Variants in CLIC5 observed in about 807,000 individuals in gnomAD.
The protein encoded by CLIC5 is chloride intracellular channel protein 5.
A neutral mutation model predicts 24.7 loss-of-function variants in CLIC5; 20 were observed. That is an observed-to-expected ratio of 0.81 (90% CI 0.57 to 1.18). The LOEUF is 1.18. Among genes scored for constraint, CLIC5 ranks in the 50% most tolerant of loss-of-function variants. CLIC5 has a pLI of 0.00. For missense variants in CLIC5, 341 were observed against 326.1 expected, an observed-to-expected ratio of 1.05 and a Z score of -0.35; for synonymous variants, 159 against 135.6, an observed-to-expected ratio of 1.17 and a Z score of -1.20.
intron 1 of CLIC5, among the ~76,000 whole-genome samples, chr6:45,989,400 G>A (rs1366757216): frequency 6.6e-6 from 1 of 152,144 alleles, no homozygotes; most frequent in Non-Finnish European, 1.5e-5. Flanking sequence ...GGAAAAGTCA[G>A]AATTGCTTTG....
chr6:45,914,590 G>T, intron 4 of CLIC5, 181 bp from the exon 5 acceptor site: 2 of 1,178,464 alleles, frequency 1.7e-6, no homozygotes, highest in Non-Finnish European at 1.1e-6. Flanking sequence ...TACTAAATAG[G>T]CTGAAAAGGC....
At chr6:46,122,612 A>T in the CLIC5 span, among the ~76,000 whole-genome samples, 1 of 152,210 alleles carries the variant, frequency 6.6e-6, no homozygotes. Flanking sequence ...GAGACACAAA[A>T]AACCCTTCAA....
chr6:46,096,519 G>C, the CLIC5 span, among the ~76,000 whole-genome samples: 9 of 152,092 alleles, frequency 5.9e-5, no homozygotes, highest in African/African-American at 2.2e-4. Flanking sequence ...TCTTCCAAAG[G>C]GCTTGCTCAT....
intron 6 of CLIC5, among the ~76,000 whole-genome samples, chr6:45,886,196 T>A (rs9463144): frequency 0.012 from 1,893 of 152,282 alleles, 19 homozygotes; most frequent in African/African-American, 0.031. Flanking sequence ...TGGTAGAAGA[T>A]ACCACGTGGT....
rs191394596 is a variant in CLIC5 at position 46,009,329 on chromosome 6, G to T, written c.63+6151C>A. On this transcript the variant is annotated intron_variant, in intron 1 of 5. Transcript: ENST00000339561. ...AAAGAATTTCACATCTCAGAACTTA[G>T]ATACTTCTTTCTTGAAAGAAAAGAC... 2.2e-4 allele frequency among the ~76,000 whole-genome samples: 33 copies of T among 152,220 alleles called. No homozygotes were observed. The East Asian group carries it at 6.0e-3, about 28-fold the overall frequency.
chr6:45,960,100 G>A (rs867026723), intron 1 of CLIC5, among the ~76,000 whole-genome samples: 4 of 152,038 alleles, frequency 2.6e-5, no homozygotes, highest in Middle Eastern at 3.2e-3. Context: ...GCCTCTTAGC[G>A]ACCCCAGAAG....
intron 6 of CLIC5, chr6:45,892,009 T>C (rs918699572): frequency 1.3e-5 from 2 of 152,244 alleles, no homozygotes; most frequent in Non-Finnish European, 2.9e-5. Context: ...GGGTTTCCCA[T>C]ACTGTGTGCT....
At chr6:45,903,569 C>T (rs183605201) in intron 5 of CLIC5, among the ~76,000 whole-genome samples, 4 of 152,192 alleles carry the variant, frequency 2.6e-5, no homozygotes, top group Non-Finnish European at 5.9e-5. Flanking sequence ...TTTTGAATAA[C>T]AAAAATGGTG....
chr6:45,966,786 T>C (rs971820652), intron 1 of CLIC5, among the ~76,000 whole-genome samples: 1 of 152,214 alleles, frequency 6.6e-6, no homozygotes, highest in African/African-American at 2.4e-5. Flanking sequence ...GTGCACCATT[T>C]TGAGTTGTTC....
intron 4 of CLIC5, among the ~76,000 whole-genome samples, chr6:45,933,716 G>C (rs888446655): frequency 1.3e-5 from 2 of 152,226 alleles, no homozygotes; most frequent in Non-Finnish European, 2.9e-5. Flanking sequence ...AAATAGATAA[G>C]CCCAGACAGG....
chr6:46,079,964 C>T, exon 1 of CLIC5: 2 of 1,551,674 alleles, frequency 1.3e-6, no homozygotes, highest in South Asian at 1.2e-5. Flanking sequence ...CTGGATGAGC[C>T]TCCTGGAGTT....
chr6:45,944,923 A>G (rs1162602310), intron 3 of CLIC5, among the ~76,000 whole-genome samples: 2 of 152,082 alleles, frequency 1.3e-5, no homozygotes, highest in Non-Finnish European at 2.9e-5. Context: ...CCACTTCCTT[A>G]CTTCATCAAC....
At chr6:45,908,654 AT>A (rs933691402) in intron 5 of CLIC5, among the ~76,000 whole-genome samples, 1 of 151,120 alleles carries the variant, frequency 6.6e-6, no homozygotes, top group African/African-American at 2.4e-5. Context: ...TATAATTTCT[AT>A]TTTTTTTAAT....
At chr6:46,072,393 G>T (rs1762633523) in intron 1 of CLIC5, among the ~76,000 whole-genome samples, 1 of 151,494 alleles carries the variant, frequency 6.6e-6, no homozygotes, top group African/African-American at 2.4e-5. Flanking sequence ...GAAGAGGAGA[G>T]AATATTTTCA....
At chr6:46,026,280 G>A (rs1349226037) in intron 1 of CLIC5, among the ~76,000 whole-genome samples, 1 of 152,066 alleles carries the variant, frequency 6.6e-6, no homozygotes, top group African/African-American at 2.4e-5. Flanking sequence ...AGAATTCTAG[G>A]AACATGTCTG....
downstream of CLIC5, among the ~76,000 whole-genome samples, chr6:45,894,785 G>A (rs986662820): frequency 1.3e-5 from 2 of 152,210 alleles, no homozygotes; most frequent in Non-Finnish European, 2.9e-5. Flanking sequence ...ATTGGGCAAA[G>A]TTTATAATGT....
chr6:46,065,310 C>A (rs1193293494), intron 1 of CLIC5, among the ~76,000 whole-genome samples: 2 of 149,462 alleles, frequency 1.3e-5, no homozygotes, highest in Non-Finnish European at 3.0e-5. Flanking sequence ...AAATCTCATA[C>A]AAATTTTGAC....
chr6:46,058,545 C>G (rs1768325617), intron 1 of CLIC5, among the ~76,000 whole-genome samples: 1 of 152,206 alleles, frequency 6.6e-6, no homozygotes, highest in Admixed American at 6.5e-5. Context: ...GAACAAATAA[C>G]TGATTCAATG....
Position 45,900,934 on chromosome 6 carries a change from C to T in CLIC5, c.*2154G>A, listed in dbSNP as rs545450953. 2 of 152,254 alleles carry T rather than the reference C, an allele frequency of 1.3e-5. No individual in the cohort carries two copies. The highest frequency in any genetic ancestry group is 3.9e-4 in the East Asian group (2 of 5,180). The allele number at this position is 152,254 out of a possible 1,614,324, so 9.4% of individuals were successfully genotyped here. On this transcript the variant is annotated 3_prime_UTR_variant, in exon 6 of 6. Transcript: ENST00000339561. ...TGCAGACTTCTCTGGGGTGGAGTGG[C>T]CTCACCGGAGGCTTGGTTCTGTTTT...
Sources: allele counts gnomAD v4.1 joint callset (sites outside exome capture counted in the v4.1 genomes callset), GRCh38; gene constraint gnomAD v4.1.1; transcripts MANE v1.5; gene names NCBI Gene and HGNC (gene_info 2026-07-23, HGNC 2026-07-21).